Variants in NLGN1 observed in about 807,000 individuals in gnomAD.
NLGN1 encodes neuroligin 1.
Under a neutral mutation model 65.5 loss-of-function variants are expected in NLGN1, and 12 were observed. The observed-to-expected ratio is 0.18, with a 90% CI of 0.12 to 0.30. The LOEUF is 0.30. NLGN1 is among the 10% of genes least tolerant of loss of function. NLGN1 has a pLI of 1.00. For missense variants in NLGN1, 750 were observed against 1,007.1 expected, an observed-to-expected ratio of 0.74 and a Z score of 3.46; for synonymous variants, 350 against 359.5, an observed-to-expected ratio of 0.97 and a Z score of 0.30.
chr3:173,958,470 C>G (rs954764926), intron 4 of NLGN1, among the ~76,000 whole-genome samples: 1 of 151,496 alleles, frequency 6.6e-6, no homozygotes, highest in African/African-American at 2.4e-5. Flanking sequence ...CTCATTTACT[C>G]AGCTCTCAGC....
At chr3:173,729,204 C>T (rs1772370042) in intron 3 of NLGN1, among the ~76,000 whole-genome samples, 2 of 152,084 alleles carry the variant, frequency 1.3e-5, no homozygotes, top group South Asian at 2.1e-4. Context: ...ATCTCTCAGT[C>T]ATTCCATCCA....
At chr3:173,690,699 G>C (rs747934522) in intron 3 of NLGN1, among the ~76,000 whole-genome samples, 3 of 152,126 alleles carry the variant, frequency 2.0e-5, no homozygotes, top group Non-Finnish European at 2.9e-5. Flanking sequence ...GAAGAACATA[G>C]TTTCTGCTTC....
chr3:173,836,172 C>T (rs1723592326), intron 4 of NLGN1, among the ~76,000 whole-genome samples: 3 of 152,078 alleles, frequency 2.0e-5, no homozygotes. Context: ...AATATGAAGA[C>T]ATTAGAATAT....
chr3:173,760,037 C>A (rs1330538502), intron 3 of NLGN1, among the ~76,000 whole-genome samples: 1 of 151,856 alleles, frequency 6.6e-6, no homozygotes, highest in Non-Finnish European at 1.5e-5. Context: ...CTTAGTGATC[C>A]TTACATTCCA....
At chr3:173,993,654 T>TGATAGATAGATA (rs10648000) in intron 4 of NLGN1, among the ~76,000 whole-genome samples, 2,438 of 147,336 alleles carry the variant, frequency 0.017, 24 homozygotes, top group South Asian at 0.019. Context: ...GCTAGATAGA[T>TGATAGATAGATA]GATAGATAGA....
At chr3:173,849,011 A>G (rs1726362405) in intron 4 of NLGN1, among the ~76,000 whole-genome samples, 1 of 152,092 alleles carries the variant, frequency 6.6e-6, no homozygotes, top group African/African-American at 2.4e-5. Context: ...AGACTCCATA[A>G]CCTTCTAAAA....
chr3:173,818,205 G>A (rs1264142162), intron 4 of NLGN1, among the ~76,000 whole-genome samples: 1 of 151,950 alleles, frequency 6.6e-6, no homozygotes, highest in African/African-American at 2.4e-5. Flanking sequence ...TTCCTCTCTG[G>A]ACCTCAGAGT....
intron 2 of NLGN1, among the ~76,000 whole-genome samples, chr3:173,566,306 C>G (rs1053101076): frequency 1.3e-5 from 2 of 152,126 alleles, no homozygotes; most frequent in African/African-American, 4.8e-5. Flanking sequence ...AATCGTTAGG[C>G]ATTGTTCTTG....
At chr3:173,939,739 T>C (rs898140848) in intron 4 of NLGN1, among the ~76,000 whole-genome samples, 2 of 152,222 alleles carry the variant, frequency 1.3e-5, no homozygotes, top group Admixed American at 1.3e-4. Flanking sequence ...TTGTTTTGCT[T>C]TTCTGCCCAA....
chr3:174,119,019 A>C (rs1348184584), intron 4 of NLGN1, among the ~76,000 whole-genome samples: 1 of 152,072 alleles, frequency 6.6e-6, no homozygotes, highest in Non-Finnish European at 1.5e-5. Context: ...AGGACATAGA[A>C]AAAAAAAGTC....
At chr3:173,508,003 T>C (rs1239839993) in intron 2 of NLGN1, among the ~76,000 whole-genome samples, 2 of 152,182 alleles carry the variant, frequency 1.3e-5, no homozygotes, top group Non-Finnish European at 2.9e-5. Context: ...ATCAGGTACC[T>C]AATAAATGTT....
chr3:173,453,023 C>G (rs766149959), intron 2 of NLGN1, among the ~76,000 whole-genome samples: 1 of 151,674 alleles, frequency 6.6e-6, no homozygotes, highest in South Asian at 2.1e-4. Flanking sequence ...AAGGTTGTGT[C>G]TTAATGGTGA....
chr3:174,184,017 A>G (rs946982649), intron 4 of NLGN1, among the ~76,000 whole-genome samples: 3 of 152,218 alleles, frequency 2.0e-5, no homozygotes, highest in Non-Finnish European at 4.4e-5. Flanking sequence ...ATAATCCTGA[A>G]TACAAATAAA....
At chr3:174,115,601 G>C (rs752188845) in intron 4 of NLGN1, among the ~76,000 whole-genome samples, 1 of 152,096 alleles carries the variant, frequency 6.6e-6, no homozygotes, top group Non-Finnish European at 1.5e-5. Context: ...TTGGAATCCC[G>C]ACCCAGAAAT....
intron 2 of NLGN1, among the ~76,000 whole-genome samples, chr3:173,588,315 T>C (rs375972716): frequency 1.3e-5 from 2 of 152,310 alleles, no homozygotes; most frequent in African/African-American, 4.8e-5. Context: ...TCCTTAATAG[T>C]AACCCATTTG....
chr3:173,399,860 A>G (rs1293793863), intron 1 of NLGN1: 1 of 152,198 alleles, frequency 6.6e-6, no homozygotes, highest in African/African-American at 2.4e-5. Flanking sequence ...TTTTAATGCT[A>G]TTGACAACTT....
intron 2 of NLGN1, among the ~76,000 whole-genome samples, chr3:173,588,369 G>T (rs6800150): frequency 1.3e-5 from 2 of 152,140 alleles, no homozygotes; most frequent in South Asian, 4.1e-4. Flanking sequence ...TGTTGATAAT[G>T]TCAAATATTA....
chr3:174,196,694 T>G (rs924912789), intron 4 of NLGN1, among the ~76,000 whole-genome samples: 3 of 152,224 alleles, frequency 2.0e-5, no homozygotes, highest in Non-Finnish European at 4.4e-5. Context: ...CTATAACAAG[T>G]ACTCATATGG....
At chr3:174,029,272 T>G in intron 4 of NLGN1, among the ~76,000 whole-genome samples, 1 of 152,262 alleles carries the variant, frequency 6.6e-6, no homozygotes, top group East Asian at 1.9e-4. Context: ...GGTGGAGCTG[T>G]CCAAGGCCAT....
Sources: gnomAD v4.1 joint callset for allele counts (sites outside exome capture counted in the v4.1 genomes callset) on GRCh38, gnomAD v4.1.1 for gene constraint, MANE v1.5 for transcripts, NCBI Gene and HGNC (gene_info 2026-07-23, HGNC 2026-07-21) for gene names.